CARS2: variants seen among roughly 807,000 people sequenced by gnomAD.
The protein encoded by CARS2 is probable cysteine--tRNA ligase, mitochondrial.
In CARS2, 52 loss-of-function variants were observed where a neutral mutation model predicts 68.8. That is an observed-to-expected ratio of 0.76 (90% CI 0.61 to 0.95). The LOEUF (loss-of-function observed/expected upper bound fraction) is 0.95. Among genes scored for constraint, CARS2 ranks in the 40% least tolerant of loss-of-function variants. CARS2 has a pLI of 0.00. For synonymous variants in CARS2, 314 were observed against 303.6 expected, an observed-to-expected ratio of 1.03 and a Z score of -0.36; for missense variants, 780 against 754.2, an observed-to-expected ratio of 1.03 and a Z score of -0.40.
At chr13:110,666,288 G>A (rs1555348945) in intron 8 of CARS2, 7 of 985,232 alleles carry the variant, frequency 7.1e-6, no homozygotes, top group African/African-American at 7.0e-5. Context: ...AAACTCCACC[G>A]ACACCGGAAT....
At chr13:110,644,222 T>G in intron 13 of CARS2, 163 bp downstream of exon 13, 1 of 1,425,004 alleles carries the variant, frequency 7.0e-7, no homozygotes, top group Non-Finnish European at 9.5e-7. Context: ...TAATAAGTAT[T>G]GGCTCTGAGT....
At chr13:110,650,891 T>G in intron 10 of CARS2, 143 bp downstream of exon 10, 1 of 650,164 alleles carries the variant, frequency 1.5e-6, no homozygotes, top group Non-Finnish European at 2.7e-6. Flanking sequence ...GGGTTCACTC[T>G]CAACCCGAAC....
At position 110,663,431 on chromosome 13, in the gene CARS2, C is replaced by A. The variant is rs747353959; in HGVS notation, c.987+20G>T. 6.2e-7 allele frequency: 1 copy of A among 1,608,078 alleles called. No individual in the cohort carries two copies. Among genetic ancestry groups the A allele is most frequent in the Non-Finnish European group, 8.5e-7 (1 of 1,177,452 alleles). On this transcript the variant is annotated intron_variant, in intron 9 of 14. Transcript: ENST00000257347. Reference sequence around the variant, plus strand: ...ACAAGCTATCGGCACCTCAGAGATACAATACAAAAAGCACGTTACCTTAAT... The same window carrying A: ...ACAAGCTATCGGCACCTCAGAGATAAAATACAAAAAGCACGTTACCTTAAT...
rs1304133948 is a variant in CARS2 at position 110,646,051 on chromosome 13, T to G, written c.1233A>C (p.Ala411=). The G allele has an allele frequency of 1.2e-5, 19 of 1,613,490 alleles. No individual in the cohort carries two copies. The highest frequency in any genetic ancestry group is 1.6e-5 in the Non-Finnish European group (19 of 1,179,868). Residue 411 remains alanine, a synonymous_variant, in exon 12 of 15, where the codon GCA becomes GCC. Coordinates refer to ENST00000257347, the MANE Select transcript of CARS2 (RefSeq NM_024537.4). ...STKRAVKAAL[A]DDFDTPRVVD... is the part of the protein sequence containing the mutation. ...CCACCCTGGGTGTGTCAAAATCATC[T>G]GCCAAGGCCGCCTTCACGGCCCTCT... is the stretch of plus-strand genomic sequence containing the variant.
chr13:110,651,573 C>T (rs916509355), intron 9 of CARS2, among the ~76,000 whole-genome samples: 3 of 152,202 alleles, frequency 2.0e-5, no homozygotes, highest in African/African-American at 4.8e-5. Flanking sequence ...AGCCAAGGGG[C>T]GACAGCCTCA....
chr13:110,657,853 A>AAAACTCACCATCATGAATCGTAG (rs1401659799), intron 9 of CARS2, among the ~76,000 whole-genome samples: 4 of 152,346 alleles, frequency 2.6e-5, no homozygotes, highest in Non-Finnish European at 5.9e-5. Context: ...AACAAATGGT[A>AAAACTCACCATCATGAATCGTAG]AAACTCACCA....
intron 9 of CARS2, among the ~76,000 whole-genome samples, chr13:110,651,747 G>A (rs74127087): frequency 2.0e-5 from 3 of 152,360 alleles, no homozygotes; most frequent in African/African-American, 7.2e-5. Context: ...TGTCCAGAAA[G>A]AAGTGGAGCT....
chr13:110,679,599 G>GAAAGAAAGAAAGAAAGAA (rs1212774128), intron 6 of CARS2, among the ~76,000 whole-genome samples: 639 of 40,054 alleles, frequency 0.016, 7 homozygotes, highest in African/African-American at 0.039. Flanking sequence ...AAGAAAGAAA[G>GAAAGAAAGAAAGAAAGAA]AGAGAGAGAG....
intron 7 of CARS2, among the ~76,000 whole-genome samples, chr13:110,669,709 C>A (rs1007099412): frequency 6.6e-6 from 1 of 152,082 alleles, no homozygotes; most frequent in African/African-American, 2.4e-5. Context: ...CTCACTGGGG[C>A]TCGTCAGACA....
chr13:110,709,147 T>C (rs1473533161), upstream of CARS2, among the ~76,000 whole-genome samples: 10 of 151,590 alleles, frequency 6.6e-5, no homozygotes, highest in African/African-American at 2.4e-4. Context: ...TGGCGTGATC[T>C]CCTGGGTTCA....
At chr13:110,644,236 T>C (rs1310166670) in intron 13 of CARS2, 149 bp downstream of exon 13, 2 of 1,417,418 alleles carry the variant, frequency 1.4e-6, no homozygotes, top group Non-Finnish European at 1.9e-6. Flanking sequence ...TCTGAGTGTG[T>C]TTATTTTTCC....
Position 110,644,022 on chromosome 13 carries a change from G to A in CARS2, c.1416+363C>T, listed in dbSNP as rs112341020. The A allele has an allele frequency of 2.8e-4, 304 of 1,069,462 alleles. 1 individual carries two copies. Among genetic ancestry groups the A allele is most frequent in the South Asian group, 2.1e-3 (143 of 68,740 alleles). 66.2% of individuals were successfully genotyped at this position (1,069,462 alleles called of 1,614,324 possible). A position where few individuals can be genotyped will look rare whatever the true frequency, so the allele number is the denominator to read the frequency against. The stretch of plus-strand genomic sequence containing the variant: ...TGTGCCAGGCAAGGGGGCTCAGGTC[G>A]CCAACTTGCCCTCAAATGGGTCAGG... On this transcript the variant is annotated intron_variant, in intron 13 of 14. Coordinates refer to ENST00000257347, the MANE Select transcript of CARS2 (RefSeq NM_024537.4).
chr13:110,699,860 C>T (rs6492301), intron 3 of CARS2, among the ~76,000 whole-genome samples: 6,918 of 152,334 alleles, frequency 0.045, 298 homozygotes, highest in African/African-American at 0.1. Flanking sequence ...CCCGAGGAGG[C>T]GCCTCCAATG....
At chr13:110,669,946 G>T (rs1011988425) in intron 7 of CARS2, among the ~76,000 whole-genome samples, 3 of 152,222 alleles carry the variant, frequency 2.0e-5, no homozygotes, top group Non-Finnish European at 4.4e-5. Context: ...CCACGCCCAC[G>T]GAGCCTCGCT....
chr13:110,642,508 T>C lies in CARS2; in HGVS notation c.1430A>G (p.Asp477Gly), dbSNP rs1887500330. ...ACCATGCAAGGTAGCCTCGCTGCCG[T>C]CTCCTGAAACGTACTGAAGCCAGCA... ...SLANQQYVSG[D>G]GSEATLHGVV... Residue 477 changes from aspartate (D) to glycine (G), a missense_variant, in exon 14 of 15, where the codon GAC (aspartate) becomes GGC (glycine). Asp to Gly is a moderately conservative substitution (Grantham distance 94). Coordinates refer to ENST00000257347, the MANE Select transcript of CARS2 (RefSeq NM_024537.4). 6.2e-7 allele frequency: 1 copy of C among 1,608,128 alleles called. No homozygotes were observed. The highest frequency in any genetic ancestry group is 8.5e-7 in the Non-Finnish European group (1 of 1,177,682).
chr13:110,666,320 T>G, intron 8 of CARS2: 1 of 985,406 alleles, frequency 1.0e-6, no homozygotes, highest in Non-Finnish European at 1.2e-6. Context: ...CAGCTAGTGC[T>G]GAGCCCTCCC....
intron 3 of CARS2, among the ~76,000 whole-genome samples, chr13:110,699,246 A>G (rs1566351082): frequency 6.6e-6 from 1 of 152,206 alleles, no homozygotes. Flanking sequence ...CACAAAACAG[A>G]CTAAGACAAA....
In CARS2 at chr13:110,656,984, A is replaced by T. The variant is rs189867966; in HGVS notation, c.988-5884T>A. Among the ~76,000 whole-genome samples the T allele has an allele frequency of 2.2e-4, 33 of 152,308 alleles. 1 individual carries two copies. The highest frequency in any genetic ancestry group is 2.1e-3 in the Admixed American group (32 of 15,296). ...TACCATTTAAATAGTATACTTATAT[A>T]GTATGTGCATTACATTTCAATAAAG... On this transcript the variant is annotated intron_variant, in intron 9 of 14. Coordinates refer to ENST00000257347, the MANE Select transcript of CARS2 (RefSeq NM_024537.4).
rs543564347 is a variant in CARS2 at position 110,652,966 on chromosome 13, A to G, written c.988-1866T>C. 7.1e-4 allele frequency among the ~76,000 whole-genome samples: 108 copies of G among 152,288 alleles called. 1 individual carries two copies. The highest frequency in any genetic ancestry group is 2.5e-3 in the African/African-American group (105 of 41,560). ...CCACAGCTGCCACAGGTGACCCCAC[A>G]GGGATGACATCACACACCACAACTC... On this transcript the variant is annotated intron_variant, in intron 9 of 14. Coordinates refer to ENST00000257347, the MANE Select transcript of CARS2 (RefSeq NM_024537.4).
Sources: allele counts gnomAD v4.1 joint callset (sites outside exome capture counted in the v4.1 genomes callset), GRCh38; gene constraint gnomAD v4.1.1; transcripts MANE v1.5; gene names NCBI Gene and HGNC (gene_info 2026-07-23, HGNC 2026-07-21).